Variants in LRFN2 observed in about 807,000 individuals in gnomAD.
LRFN2 encodes leucine rich repeat and fibronectin type III domain containing 2.
A neutral mutation model predicts 37.3 loss-of-function variants in LRFN2; 18 were observed. That is an observed-to-expected ratio of 0.48 (90% CI 0.33 to 0.72). The LOEUF is 0.72. Ranked by LOEUF, LRFN2 falls within the 30% of genes least tolerant of loss-of-function variation. The pLI, the probability that LRFN2 is intolerant of heterozygous loss-of-function variation, is 0.02. For missense variants in LRFN2, 1,006 were observed against 1,060.7 expected (o/e 0.95, Z 0.72); for synonymous variants, 556 against 466.6 (o/e 1.19, Z -2.47).
intron 1 of LRFN2, among the ~76,000 whole-genome samples, chr6:40,555,890 T>A (rs1456199566): frequency 6.6e-6 from 1 of 152,200 alleles, no homozygotes; most frequent in Non-Finnish European, 1.5e-5. Context: ...TAATTTCTTA[T>A]CTGGCAGTGA....
chr6:40,446,263 G>A (rs1394362864), intron 1 of LRFN2, among the ~76,000 whole-genome samples: 4 of 152,032 alleles, frequency 2.6e-5, no homozygotes, highest in African/African-American at 9.7e-5. Flanking sequence ...TCCTTGCCCA[G>A]GAGAAAGGCA....
intron 1 of LRFN2, among the ~76,000 whole-genome samples, chr6:40,532,422 GATACA>G (rs1766360135): frequency 1.3e-5 from 2 of 152,144 alleles, no homozygotes; most frequent in South Asian, 4.1e-4. Context: ...TTTATCTTTT[GATACA>G]ATAGCCCTAT....
intron 1 of LRFN2, among the ~76,000 whole-genome samples, chr6:40,466,481 T>G (rs1393626325): frequency 6.6e-6 from 1 of 151,654 alleles, no homozygotes; most frequent in African/African-American, 2.4e-5. Flanking sequence ...AAGACAGCCA[T>G]TAGCATCCAG....
chr6:40,431,478 G>A (rs958594946), intron 2 of LRFN2, among the ~76,000 whole-genome samples: 19 of 152,198 alleles, frequency 1.2e-4, no homozygotes, highest in African/African-American at 1.2e-4. Context: ...GGGAGGTGTG[G>A]TCTTTCTTTA....
At chr6:40,452,823 G>T (rs1484874739) in intron 1 of LRFN2, among the ~76,000 whole-genome samples, 2 of 152,206 alleles carry the variant, frequency 1.3e-5, no homozygotes, top group East Asian at 3.8e-4. Flanking sequence ...CACAAAGAGA[G>T]AGAGAGAAGG....
intron 1 of LRFN2, chr6:40,517,590 T>G (rs1185093591): frequency 6.6e-6 from 1 of 152,260 alleles, no homozygotes; most frequent in East Asian, 1.9e-4. Flanking sequence ...TCCATTTCCC[T>G]GCTCGTTCAT....
intron 1 of LRFN2, among the ~76,000 whole-genome samples, chr6:40,447,860 A>G (rs1054172314): frequency 8.5e-5 from 13 of 152,188 alleles, no homozygotes; most frequent in Admixed American, 8.5e-4. Context: ...AGATATTGCC[A>G]GAGTCTAGGG....
At chr6:40,393,132 G>A (rs1183808398) in intron 2 of LRFN2, among the ~76,000 whole-genome samples, 12 of 151,524 alleles carry the variant, frequency 7.9e-5, no homozygotes, top group Middle Eastern at 3.4e-3. Flanking sequence ...CAGAGGAGAG[G>A]GGAGGAGGGA....
Position 40,431,929 on chromosome 6 carries a change from G to C in LRFN2, c.1185C>G (p.Arg395=). 6.2e-7 allele frequency: 1 copy of C among 1,613,568 alleles called. No individual in the cohort carries two copies. The highest frequency in any genetic ancestry group is 8.5e-7 in the Non-Finnish European group (1 of 1,179,892). Reference sequence around the variant, plus strand: ...TGCTGGAGCCAGTGATGTCTGAGAGGCGGGACTTGGGGGGTGCAGTGCGGC... The same window carrying C: ...TGCTGGAGCCAGTGATGTCTGAGAGCCGGGACTTGGGGGGTGCAGTGCGGC... ...STSRTAPPKS[R]LSDITGSSKT... is the part of the protein sequence containing the mutation. Residue 395 remains arginine (R), a synonymous_variant, in exon 2 of 3, where the codon CGC becomes CGG. Transcript: ENST00000338305.
intron 1 of LRFN2, among the ~76,000 whole-genome samples, chr6:40,568,508 C>T (rs140904316): frequency 1.7e-3 from 260 of 152,318 alleles, no homozygotes; most frequent in Non-Finnish European, 3.1e-3. Flanking sequence ...ACAGGCATCC[C>T]CACAAGACGA....
intron 2 of LRFN2, among the ~76,000 whole-genome samples, chr6:40,413,982 C>A (rs1763036158): frequency 6.6e-6 from 1 of 152,228 alleles, no homozygotes; most frequent in Admixed American, 6.5e-5. Flanking sequence ...GGCTCACTGG[C>A]CTCTATTTTG....
At chr6:40,471,386 A>G (rs1764591398) in intron 1 of LRFN2, among the ~76,000 whole-genome samples, 1 of 152,188 alleles carries the variant, frequency 6.6e-6, no homozygotes, top group South Asian at 2.1e-4. Flanking sequence ...GCCACGGTTC[A>G]GGGATGCTGT....
At chr6:40,545,926 ATC>A (rs1766651905) in intron 1 of LRFN2, among the ~76,000 whole-genome samples, 1 of 152,250 alleles carries the variant, frequency 6.6e-6, no homozygotes, top group East Asian at 1.9e-4. Context: ...TTGGTGTTGT[ATC>A]TTCAGCTCCT....
At chr6:40,477,024 G>A (rs1764724131) in intron 1 of LRFN2, among the ~76,000 whole-genome samples, 1 of 152,202 alleles carries the variant, frequency 6.6e-6, no homozygotes, top group Non-Finnish European at 1.5e-5. Flanking sequence ...GACTCTTGAT[G>A]ATCAGGAAAT....
chr6:40,537,446 T>C (rs1485768067), intron 1 of LRFN2, among the ~76,000 whole-genome samples: 1 of 152,078 alleles, frequency 6.6e-6, no homozygotes, highest in East Asian at 1.9e-4. Flanking sequence ...GCCCCAACTA[T>C]GGAAACCCAA....
chr6:40,518,827 A>T (rs1765963356), intron 1 of LRFN2, among the ~76,000 whole-genome samples: 1 of 152,220 alleles, frequency 6.6e-6, no homozygotes, highest in African/African-American at 2.4e-5. Context: ...ACTGTGGTGC[A>T]TGTTACCCAA....
chr6:40,585,036 TTTCTG>T (rs1299451738), intron 1 of LRFN2, among the ~76,000 whole-genome samples: 3 of 152,038 alleles, frequency 2.0e-5, no homozygotes, highest in Non-Finnish European at 4.4e-5. Flanking sequence ...GCTTCTCACG[TTTCTG>T]GGCCTGAGCA....
At chr6:40,399,548 G>A (rs927486207) in intron 2 of LRFN2, among the ~76,000 whole-genome samples, 17 of 138,652 alleles carry the variant, frequency 1.2e-4, no homozygotes, top group African/African-American at 4.0e-4. Flanking sequence ...AGCGATTCTT[G>A]TGCTTCAGCC....
At chr6:40,574,940 A>G (rs1581801764) in intron 1 of LRFN2, among the ~76,000 whole-genome samples, 1 of 152,184 alleles carries the variant, frequency 6.6e-6, no homozygotes, top group South Asian at 2.1e-4. Flanking sequence ...CTCCCAAAAC[A>G]CACTTCGCCA....
Sources: gnomAD v4.1 joint callset for allele counts (sites outside exome capture counted in the v4.1 genomes callset) on GRCh38, gnomAD v4.1.1 for gene constraint, MANE v1.5 for transcripts, NCBI Gene and HGNC (gene_info 2026-07-23, HGNC 2026-07-21) for gene names.